The following DISP1 variants were observed in gnomAD, a reference collection of about 807,000 sequenced individuals.
The protein encoded by DISP1 is dispatched RND transporter family member 1.
A neutral mutation model predicts 37.3 loss-of-function variants in DISP1; 30 were observed. The ratio of observed to expected loss-of-function variants is 0.80; its 90% CI spans 0.60 to 1.09. The LOEUF is 1.09. DISP1 is among the 50% of genes least tolerant of loss of function. The pLI is 0.00. For synonymous variants in DISP1, 634 were observed against 690.2 expected (o/e 0.92, Z 1.28); for missense variants, 1,598 against 1,879.5 (o/e 0.85, Z 2.77).
At position 223,005,056 on chromosome 1, in the gene DISP1, T is replaced by C; in HGVS notation, c.3659T>C (p.Phe1220Ser). The change falls in exon 9 of 9, where the codon TTC (phenylalanine) becomes TCC (serine). Residue 1220 changes from phenylalanine (F) to serine (S), a missense_variant. Coordinates refer to ENST00000675850, the MANE Select transcript of DISP1 (RefSeq NM_001377229.1). ...YEETHICSEF[F>S]NSQAKNLGMP... ...GAGACCCACATCTGCTCTGAATTTTTCAACAGCCAAGCAAAGAATTTAGGG... is the reference window on the plus strand; with the variant it reads ...GAGACCCACATCTGCTCTGAATTTTCCAACAGCCAAGCAAAGAATTTAGGG... 6.2e-7 allele frequency: 1 copy of C among 1,614,188 alleles called. No individual in the cohort carries two copies. Among genetic ancestry groups the C allele is most frequent in the Non-Finnish European group, 8.5e-7 (1 of 1,180,030 alleles).
chr1:222,998,342 T>C (rs1679215649), intron 8 of DISP1, among the ~76,000 whole-genome samples: 1 of 151,398 alleles, frequency 6.6e-6, no homozygotes, highest in Non-Finnish European at 1.5e-5. Flanking sequence ...ACCTTAATTG[T>C]TGGTGGGTTG....
chr1:222,846,174 G>A (rs1246771138), intron 1 of DISP1, among the ~76,000 whole-genome samples: 2 of 152,156 alleles, frequency 1.3e-5, no homozygotes, highest in Non-Finnish European at 1.5e-5. Flanking sequence ...GACAACTTTA[G>A]TGACAGTGTG....
At chr1:222,977,613 C>T (rs1223879227) in intron 3 of DISP1, among the ~76,000 whole-genome samples, 1 of 150,476 alleles carries the variant, frequency 6.6e-6, no homozygotes, top group Non-Finnish European at 1.5e-5. Context: ...TATACATGTG[C>T]CATGTTGGTG....
chr1:222,846,191 G>A (rs2125299662), intron 1 of DISP1, among the ~76,000 whole-genome samples: 1 of 152,260 alleles, frequency 6.6e-6, no homozygotes, highest in South Asian at 2.1e-4. Context: ...TGTGGAGGTT[G>A]CAATGAAAAG....
intron 1 of DISP1, among the ~76,000 whole-genome samples, chr1:222,914,442 T>C (rs1177737395): frequency 3.9e-5 from 6 of 152,170 alleles, no homozygotes; most frequent in Admixed American, 3.9e-4. Context: ...AACAAGATGA[T>C]GTGTTACCAG....
chr1:222,926,348 T>A (rs553774426), intron 1 of DISP1, among the ~76,000 whole-genome samples: 1 of 152,256 alleles, frequency 6.6e-6, no homozygotes, highest in Non-Finnish European at 1.5e-5. Context: ...TTGTTTTTAC[T>A]TTTGGCAGTT....
Position 223,005,515 on chromosome 1 carries a change from A to G in DISP1, c.4118A>G (p.Asn1373Ser), listed in dbSNP as rs966094631. The G allele has an allele frequency of 3.1e-6, 5 of 1,613,998 alleles. No individual in the cohort carries two copies. In the African/African-American group the frequency reaches 4.0e-5, roughly 13 times the overall value. Residue 1373 changes from asparagine to serine, a missense_variant, in exon 9 of 9, where the codon AAT becomes AGT. Transcript: ENST00000675850. ...GCCCAAGAAAAAATTGGCAAGACCAATGTACACAGTCTTCAGAGGAGCATA... is the reference window on the plus strand; with the variant it reads ...GCCCAAGAAAAAATTGGCAAGACCAGTGTACACAGTCTTCAGAGGAGCATA... The part of the protein sequence containing the change: ...IQAQEKIGKT[N>S]VHSLQRSIEE...
chr1:222,953,129 T>C (rs1002062713), intron 3 of DISP1, among the ~76,000 whole-genome samples: 1 of 152,228 alleles, frequency 6.6e-6, no homozygotes, highest in Admixed American at 6.5e-5. Flanking sequence ...TCATTGTTGC[T>C]ACATTGTAAT....
At chr1:222,825,116 G>A (rs927831893) in intron 1 of DISP1, among the ~76,000 whole-genome samples, 5 of 149,866 alleles carry the variant, frequency 3.3e-5, no homozygotes. Context: ...TTAACAGTTC[G>A]GTCTCAAATA....
intron 7 of DISP1, among the ~76,000 whole-genome samples, 167 bp downstream of exon 7, chr1:222,992,277 A>C (rs1191344990): frequency 2.0e-5 from 3 of 152,190 alleles, no homozygotes; most frequent in Non-Finnish European, 4.4e-5. Context: ...TTACTTCTCT[A>C]GTTTAGTCAA....
At chr1:222,962,549 C>A (rs775863874) in intron 3 of DISP1, among the ~76,000 whole-genome samples, 1 of 152,162 alleles carries the variant, frequency 6.6e-6, no homozygotes, top group African/African-American at 2.4e-5. Flanking sequence ...GCTACAGTAA[C>A]CAAAACAGCA....
chr1:222,931,572 A>G (rs372581954), intron 2 of DISP1, among the ~76,000 whole-genome samples: 1 of 151,984 alleles, frequency 6.6e-6, no homozygotes, highest in Non-Finnish European at 1.5e-5. Context: ...TTAACAAACC[A>G]TCTTGTAATT....
intron 8 of DISP1, 28 bp from the exon 9 acceptor site, chr1:223,002,357 G>C: frequency 1.3e-6 from 2 of 1,599,708 alleles, no homozygotes; most frequent in African/African-American, 2.7e-5. Context: ...TTAAACTGTA[G>C]TCCTTCTGCT....
intron 1 of DISP1, among the ~76,000 whole-genome samples, chr1:222,876,632 A>G (rs912049779): frequency 1.3e-5 from 2 of 152,266 alleles, no homozygotes; most frequent in Non-Finnish European, 2.9e-5. Flanking sequence ...CAAAAGCAGC[A>G]TTGAGCAGAA....
chr1:222,985,617 T>C (rs188313110), intron 4 of DISP1, among the ~76,000 whole-genome samples: 1 of 152,002 alleles, frequency 6.6e-6, no homozygotes, highest in Non-Finnish European at 1.5e-5. Context: ...GCCACTGCAC[T>C]CTAGCCTGGG....
chr1:222,984,280 A>T (rs1450575588), intron 4 of DISP1, among the ~76,000 whole-genome samples: 1 of 151,106 alleles, frequency 6.6e-6, no homozygotes, highest in African/African-American at 2.4e-5. Flanking sequence ...TGTGGTTTGT[A>T]CCTGTAGTCC....
At chr1:222,925,969 T>C (rs1226691001) in intron 1 of DISP1, among the ~76,000 whole-genome samples, 1 of 152,224 alleles carries the variant, frequency 6.6e-6, no homozygotes, top group Non-Finnish European at 1.5e-5. Context: ...AGTAAACATT[T>C]CAGTGGTTTT....
Position 223,003,721 on chromosome 1 carries a change from A to G in DISP1, c.2324A>G (p.Glu775Gly). Reference protein sequence around the residue: ...DAEYKKLFMFERVHHGEELHM... With the variant: ...DAEYKKLFMFGRVHHGEELHM... ...GAATACAAAAAGCTTTTCATGTTTG[A>G]ACGTGTTCACCATGGCGAGGAGCTC... The change falls in exon 9 of 9, where the codon GAA becomes GGA. Residue 775 changes from glutamate (E) to glycine (G), a missense_variant. By Grantham distance (98) the Glu-to-Gly change is moderately conservative (BLOSUM62 -2). Coordinates refer to ENST00000675850, the MANE Select transcript of DISP1 (RefSeq NM_001377229.1). This position sits in a 1 kb window ranked among gnomAD's most constrained non-coding sequence, Gnocchi z 4.3. 6.2e-7 allele frequency: 1 copy of G among 1,614,130 alleles called. No homozygotes were observed. Among genetic ancestry groups the G allele is most frequent in the African/African-American group, 1.3e-5 (1 of 75,018 alleles).
chr1:222,865,923 C>T (rs890171255), intron 1 of DISP1, among the ~76,000 whole-genome samples: 1 of 152,092 alleles, frequency 6.6e-6, no homozygotes, highest in African/African-American at 2.4e-5. Context: ...CCTTAGGGGC[C>T]GGCCCCCTGT....
Sources: gnomAD v4.1 joint callset for allele counts (sites outside exome capture counted in the v4.1 genomes callset) on GRCh38, gnomAD v4.1.1 for gene constraint, Gnocchi (gnomAD v3.1) non-coding constraint, MANE v1.5 for transcripts, NCBI Gene and HGNC (gene_info 2026-07-23, HGNC 2026-07-21) for gene names.